The following CACNG2 variants were observed in gnomAD, a reference collection of about 807,000 sequenced individuals.
CACNG2 encodes the protein voltage-dependent calcium channel gamma-2 subunit.
In CACNG2, 3 loss-of-function variants were observed where a neutral mutation model predicts 25.9. The observed-to-expected ratio is 0.12, with a 90% CI of 0.05 to 0.30. The LOEUF is 0.30. CACNG2 is among the 10% of genes least tolerant of loss of function. The pLI is 1.00. For synonymous variants in CACNG2, 167 were observed against 173.3 expected, an observed-to-expected ratio of 0.96 and a Z score of 0.29; for missense variants, 341 against 432.5, an observed-to-expected ratio of 0.79 and a Z score of 1.88.
At chr22:36,658,374 G>A (rs967241370) in intron 1 of CACNG2, among the ~76,000 whole-genome samples, 2 of 152,246 alleles carry the variant, frequency 1.3e-5, no homozygotes, top group Non-Finnish European at 2.9e-5. Context: ...GGTAGTGACA[G>A]GCATCAGGGA....
chr22:36,607,183 G>C (rs573471861), intron 1 of CACNG2, among the ~76,000 whole-genome samples: 1 of 152,222 alleles, frequency 6.6e-6, no homozygotes, highest in African/African-American at 2.4e-5. Context: ...AAAAATGCTT[G>C]TGGCCTTTCC....
At chr22:36,690,905 G>A (rs1026223854) in intron 1 of CACNG2, among the ~76,000 whole-genome samples, 4 of 152,166 alleles carry the variant, frequency 2.6e-5, no homozygotes, top group Admixed American at 6.5e-5. Context: ...CAATCTCACC[G>A]TATAATCATT....
chr22:36,699,301 A>G (rs1362446872), intron 1 of CACNG2, among the ~76,000 whole-genome samples: 1 of 151,876 alleles, frequency 6.6e-6, no homozygotes, highest in Non-Finnish European at 1.5e-5. Flanking sequence ...GCAGAGGAAG[A>G]AAATAAGGGT....
intron 2 of CACNG2, chr22:36,585,285 G>C (rs527845092): frequency 6.6e-6 from 1 of 152,128 alleles, no homozygotes; most frequent in African/African-American, 2.4e-5. Context: ...ACACATGCAG[G>C]GTGCCAGGGA....
intron 1 of CACNG2, among the ~76,000 whole-genome samples, chr22:36,602,336 G>A (rs887722540): frequency 2.6e-5 from 4 of 151,818 alleles, no homozygotes; most frequent in East Asian, 3.9e-4. Context: ...TTTGTTGTTT[G>A]TTAAAATAGT....
intron 1 of CACNG2, among the ~76,000 whole-genome samples, chr22:36,657,009 A>G (rs1470930008): frequency 6.6e-6 from 1 of 152,188 alleles, no homozygotes; most frequent in African/African-American, 2.4e-5. Flanking sequence ...TCTGTCCATG[A>G]TTGGATCCCA....
intron 1 of CACNG2, among the ~76,000 whole-genome samples, chr22:36,669,239 C>G (rs1436822493): frequency 6.6e-6 from 1 of 152,024 alleles, no homozygotes; most frequent in Non-Finnish European, 1.5e-5. Context: ...TGGTGGCTCA[C>G]TCCTGTAATC....
At chr22:36,688,531 C>A (rs940161057) in intron 1 of CACNG2, among the ~76,000 whole-genome samples, 6 of 142,590 alleles carry the variant, frequency 4.2e-5, no homozygotes, top group Non-Finnish European at 6.0e-5. Context: ...CAGAGTGAGA[C>A]CCTGTCTCAA....
intron 1 of CACNG2, among the ~76,000 whole-genome samples, chr22:36,610,410 A>G (rs1222188358): frequency 6.6e-6 from 1 of 152,228 alleles, no homozygotes; most frequent in Non-Finnish European, 1.5e-5. Flanking sequence ...GGGAGGAATC[A>G]GTCCCCCAGA....
intron 1 of CACNG2, among the ~76,000 whole-genome samples, chr22:36,654,804 T>C (rs1315495783): frequency 1.3e-5 from 2 of 152,224 alleles, no homozygotes; most frequent in South Asian, 2.1e-4. Flanking sequence ...ACATTTCTTT[T>C]CTAGTTATCG....
At chr22:36,700,571 C>G (rs1937399136) in intron 1 of CACNG2, among the ~76,000 whole-genome samples, 1 of 152,170 alleles carries the variant, frequency 6.6e-6, no homozygotes, top group Non-Finnish European at 1.5e-5. Context: ...CTAAAGCGGT[C>G]CTCATTCACT....
intron 1 of CACNG2, 29 bp downstream of exon 1, chr22:36,702,337 G>A (rs762497222): frequency 6.9e-7 from 1 of 1,449,998 alleles, no homozygotes; most frequent in Non-Finnish European, 9.6e-7. Flanking sequence ...GTGGGGTGGA[G>A]AGGGGGGAGG....
chr22:36,639,790 A>G (rs1936415260), intron 1 of CACNG2, among the ~76,000 whole-genome samples: 3 of 152,170 alleles, frequency 2.0e-5, no homozygotes, highest in Admixed American at 2.0e-4. Context: ...GCTTGTGCCC[A>G]AGGATGGATG....
intron 1 of CACNG2, among the ~76,000 whole-genome samples, chr22:36,672,768 G>A (rs1251282166): frequency 6.6e-6 from 1 of 152,184 alleles, no homozygotes; most frequent in East Asian, 1.9e-4. Context: ...CAGGCCCACT[G>A]AATCCCATTC....
At chr22:36,572,646 G>C (rs1267944545) in intron 2 of CACNG2, among the ~76,000 whole-genome samples, 1 of 151,676 alleles carries the variant, frequency 6.6e-6, no homozygotes, top group African/African-American at 2.4e-5. Context: ...AAGTTGCAGT[G>C]AGCTGAGATC....
chr22:36,621,924 A>T (rs1235393935), intron 1 of CACNG2, among the ~76,000 whole-genome samples: 1 of 152,234 alleles, frequency 6.6e-6, no homozygotes, highest in East Asian at 1.9e-4. Context: ...GTTTTCCAGC[A>T]TGTTGGTTCA....
At chr22:36,691,308 AG>A (rs5845286) in intron 1 of CACNG2, among the ~76,000 whole-genome samples, 142,718 of 152,110 alleles carry the variant, frequency 0.94, 67,149 homozygotes, top group East Asian at 1. Context: ...GGCAGAAGGC[AG>A]GGGGAGAGGG....
At chr22:36,650,967 A>T (rs1289497870) in intron 1 of CACNG2, among the ~76,000 whole-genome samples, 1 of 152,096 alleles carries the variant, frequency 6.6e-6, no homozygotes, top group African/African-American at 2.4e-5. Context: ...TCAGGTATTT[A>T]TTCAAATATT....
intron 1 of CACNG2, among the ~76,000 whole-genome samples, chr22:36,664,284 A>T (rs1388493451): frequency 6.6e-6 from 1 of 152,198 alleles, no homozygotes; most frequent in Non-Finnish European, 1.5e-5. Flanking sequence ...ATATTTTGAC[A>T]TTCTTCCATT....
Sources: allele counts gnomAD v4.1 joint callset (sites outside exome capture counted in the v4.1 genomes callset), GRCh38; gene constraint gnomAD v4.1.1; transcripts MANE v1.5; gene names NCBI Gene and HGNC (gene_info 2026-07-23, HGNC 2026-07-21).